Variants in PLAGL2 observed in about 807,000 individuals in gnomAD.
The protein encoded by PLAGL2 is PLAG1 like zinc finger 2.
A neutral mutation model predicts 29.0 loss-of-function variants in PLAGL2; 7 were observed. The observed-to-expected ratio is 0.24, with a 90% CI of 0.14 to 0.45. The LOEUF (loss-of-function observed/expected upper bound fraction) is 0.45. Among genes scored for constraint, PLAGL2 ranks in the 20% least tolerant of loss-of-function variants. The pLI, the probability that PLAGL2 is intolerant of heterozygous loss-of-function variation, is 0.99. For missense variants in PLAGL2, 454 were observed against 648.2 expected, an observed-to-expected ratio of 0.70 and a Z score of 3.25; for synonymous variants, 234 against 266.0, an observed-to-expected ratio of 0.88 and a Z score of 1.17.
intron 2 of PLAGL2, among the ~76,000 whole-genome samples, chr20:32,199,330 T>C (rs939915319): frequency 6.6e-6 from 1 of 152,162 alleles, no homozygotes; most frequent in African/African-American, 2.4e-5. Context: ...CAACCTCCTG[T>C]GATGGAACTG....
At chr20:32,203,740 G>A (rs563708594) in intron 1 of PLAGL2, among the ~76,000 whole-genome samples, 2 of 152,288 alleles carry the variant, frequency 1.3e-5, no homozygotes, top group Admixed American at 6.5e-5. Context: ...TGGGATCAGC[G>A]GGTTCATGCC....
chr20:32,198,642 A>G (rs1161621037), intron 2 of PLAGL2, among the ~76,000 whole-genome samples: 5 of 152,210 alleles, frequency 3.3e-5, no homozygotes, highest in African/African-American at 1.2e-4. Flanking sequence ...GTCTCTAAAT[A>G]AATAAATAAA....
chr20:32,196,799 G>C lies in PLAGL2; in HGVS notation c.1144C>G (p.Pro382Ala). The C allele has an allele frequency of 6.2e-7, 1 of 1,612,496 alleles. No individual in the cohort carries two copies. The highest frequency in any genetic ancestry group is 8.5e-7 in the Non-Finnish European group (1 of 1,178,824). ...AGGGCCGCAGCTGCCGCCGGCTGAG[G>C]TGAGGCGGGCTGGGGTTCAGCGGAT... ...LSSAEPQPASPQPAAAAALLD... is the reference protein window; with the variant it reads ...LSSAEPQPASAQPAAAAALLD... The change falls in exon 3 of 3, where the codon CCT becomes GCT. Residue 382 changes from proline (P) to alanine (A), a missense_variant. Physicochemically the swap from Pro to Ala is conservative, Grantham distance 27. Transcript: ENST00000246229.
Position 32,202,282 on chromosome 20 carries a change from A to C in PLAGL2, c.-104T>G. On this transcript the variant is annotated 5_prime_UTR_variant, in exon 2 of 3. In the 5' UTR this introduces an upstream ATG that the reference lacks. Coordinates refer to ENST00000246229, the MANE Select transcript of PLAGL2 (RefSeq NM_002657.3). ...GCCTCCAACGCAGCTTTCAGAAAAC[A>C]ATCTCTTCACCTGAAACATCAGAAC... 1.7e-6 allele frequency: 2 copies of C among 1,168,886 alleles called. No individual in the cohort carries two copies. Among genetic ancestry groups the C allele is most frequent in the Non-Finnish European group, 2.5e-6 (2 of 815,492 alleles). 72.4% of individuals were successfully genotyped at this position (1,168,886 alleles called of 1,614,324 possible).
Position 32,196,978 on chromosome 20 carries a change from C to T in PLAGL2, c.965G>A (p.Gly322Asp), listed in dbSNP as rs754110798. The T allele has an allele frequency of 6.2e-7, 1 of 1,614,224 alleles. No homozygotes were observed. The highest frequency in any genetic ancestry group is 1.7e-5 in the Admixed American group (1 of 60,030). The change falls in exon 3 of 3, where the codon GGT becomes GAT. Residue 322 changes from glycine (G) to aspartate (D), a missense_variant. Transcript: ENST00000246229. ...HSLVHNTLPM[G>D]MSYPLESSPI... is the part of the protein sequence containing the mutation. ...TGAGGATTCCAGAGGGTAGCTCATA[C>T]CCATGGGCAGCGTGTTGTGCACCAG...
intron 1 of PLAGL2, among the ~76,000 whole-genome samples, chr20:32,203,242 T>C (rs1026124444): frequency 3.3e-5 from 5 of 152,238 alleles, no homozygotes; most frequent in Non-Finnish European, 4.4e-5. Flanking sequence ...TGAATGCAGG[T>C]TGATTCTCAG....
In PLAGL2 at chr20:32,196,213, A is replaced by G. The variant is rs1184150688; in HGVS notation, c.*239T>C. Reference sequence around the variant, plus strand: ...CGATTCAGGTCAAAAAAATAAAAGTAAATAATACCTGAAGTCCTACGGTAT... The same window carrying G: ...CGATTCAGGTCAAAAAAATAAAAGTGAATAATACCTGAAGTCCTACGGTAT... On this transcript the variant is annotated 3_prime_UTR_variant, in exon 3 of 3. Transcript: ENST00000246229. 2 of 362,600 alleles carry G rather than the reference A, an allele frequency of 5.5e-6. No homozygotes were observed. Among genetic ancestry groups the G allele is most frequent in the Non-Finnish European group, 9.8e-6 (2 of 204,478 alleles). The allele number at this position is 362,600 out of a possible 1,614,324, so 22.5% of individuals were successfully genotyped here.
chr20:32,205,335 C>A (rs1185889981), intron 1 of PLAGL2, among the ~76,000 whole-genome samples: 1 of 152,148 alleles, frequency 6.6e-6, no homozygotes, highest in Non-Finnish European at 1.5e-5. Flanking sequence ...TTTTCCCTCA[C>A]AACTAACCCT....
Position 32,196,415 on chromosome 20 carries a change from A to T in PLAGL2, c.*37T>A. 7.0e-7 allele frequency: 1 copy of T among 1,435,316 alleles called. No homozygotes were observed. The highest frequency in any genetic ancestry group is 2.4e-5 in the East Asian group (1 of 41,148). 88.9% of individuals were successfully genotyped at this position (1,435,316 alleles called of 1,614,324 possible). On this transcript the variant is annotated 3_prime_UTR_variant, in exon 3 of 3. Transcript: ENST00000246229. ...ACGGGGTGGGTACTAAGGCTCCATA[A>T]CAGAGCCAAAAACTGAGCTGAGGGC... is the stretch of plus-strand genomic sequence containing the variant.
Position 32,196,939 on chromosome 20 carries a change from G to T in PLAGL2, c.1004C>A (p.Pro335Gln). The T allele has an allele frequency of 6.2e-7, 1 of 1,614,216 alleles. No homozygotes were observed. Among genetic ancestry groups the T allele is most frequent in the Non-Finnish European group, 8.5e-7 (1 of 1,180,020 alleles). Residue 335 changes from proline (P) to glutamine (Q), a missense_variant, in exon 3 of 3, where the codon CCA (proline) becomes CAA (glutamine). Pro to Gln is a moderately conservative substitution (Grantham distance 76). Coordinates refer to ENST00000246229, the MANE Select transcript of PLAGL2 (RefSeq NM_002657.3). ...CTGGTATTTTGGAGGGAGCTGAGCT[G>T]GGGAAGAGATAGGTGAGGATTCCAG... is the stretch of plus-strand genomic sequence containing the variant. The part of the protein sequence containing the change: ...YPLESSPISS[P>Q]AQLPPKYQLG...
chr20:32,207,709 A>G lies in PLAGL2; in HGVS notation c.-183T>C, dbSNP rs1191803531. ...CCGCCAGGCCCCCTCAGGCCCCGGT[A>G]GTGGCGGCGGTCGGGCCATTGTGCG... is the stretch of plus-strand genomic sequence containing the variant. On this transcript the variant is annotated 5_prime_UTR_variant, in exon 1 of 3. Transcript: ENST00000246229. 7.1e-6 allele frequency: 2 copies of G among 283,506 alleles called. No homozygotes were observed. Among genetic ancestry groups the G allele is most frequent in the South Asian group, 1.5e-4 (1 of 6,530 alleles). 17.6% of individuals were successfully genotyped at this position (283,506 alleles called of 1,614,324 possible).
intron 2 of PLAGL2, among the ~76,000 whole-genome samples, chr20:32,200,431 G>T (rs1302075356): frequency 1.3e-5 from 2 of 152,004 alleles, no homozygotes; most frequent in Non-Finnish European, 1.5e-5. Context: ...GTAGAGACGG[G>T]GTTTCACCGT....
chr20:32,201,942 A>G lies in PLAGL2; in HGVS notation c.237T>C (p.Phe79=), dbSNP rs1190936442. 6.2e-7 allele frequency: 1 copy of G among 1,614,126 alleles called. No individual in the cohort carries two copies. Among genetic ancestry groups the G allele is most frequent in the Non-Finnish European group, 8.5e-7 (1 of 1,179,946 alleles). ...SCPQLHCGKA[F]ASKYKLYRHM... ...ACCTATACAGCTTGTATTTGGAAGCAAAAGCCTTGCCACAGTGCAGCTGAG... is the reference window on the plus strand; with the variant it reads ...ACCTATACAGCTTGTATTTGGAAGCGAAAGCCTTGCCACAGTGCAGCTGAG... The change falls in exon 2 of 3, where the codon TTT becomes TTC. Residue 79 remains phenylalanine (F), a synonymous_variant. Coordinates refer to ENST00000246229, the MANE Select transcript of PLAGL2 (RefSeq NM_002657.3).
At position 32,201,903 on chromosome 20, in the gene PLAGL2, T is replaced by C. The variant is rs202221854; in HGVS notation, c.260+16A>G. ...GGGAACCTCAGGGCAGGAAGAGATA[T>C]GAGAGTGTCACCTACCTATACAGCT... On this transcript the variant is annotated intron_variant, in intron 2 of 2. Transcript: ENST00000246229. 797 of 1,605,764 alleles carry C rather than the reference T, an allele frequency of 5.0e-4. 12 individuals are homozygous for C. In the South Asian group the frequency reaches 8.1e-3, roughly 16 times the overall value.
At chr20:32,204,112 G>C (rs1477910981) in intron 1 of PLAGL2, among the ~76,000 whole-genome samples, 3 of 152,192 alleles carry the variant, frequency 2.0e-5, no homozygotes, top group Non-Finnish European at 4.4e-5. Flanking sequence ...GAATTGAGCA[G>C]AGAGTGTGCT....
intron 2 of PLAGL2, among the ~76,000 whole-genome samples, chr20:32,198,162 GA>G (rs1432917798): frequency 2.0e-5 from 3 of 152,222 alleles, no homozygotes; most frequent in Admixed American, 6.5e-5. Flanking sequence ...GGACATACAA[GA>G]AACTGATACC....
At chr20:32,199,613 C>T (rs1374986379) in intron 2 of PLAGL2, among the ~76,000 whole-genome samples, 1 of 152,126 alleles carries the variant, frequency 6.6e-6, no homozygotes, top group Non-Finnish European at 1.5e-5. Flanking sequence ...GGTGGAGGGA[C>T]TGCTTGAGGC....
At chr20:32,200,210 T>C (rs1307055407) in intron 2 of PLAGL2, among the ~76,000 whole-genome samples, 1 of 152,222 alleles carries the variant, frequency 6.6e-6, no homozygotes, top group Non-Finnish European at 1.5e-5. Flanking sequence ...GAATGGATGG[T>C]TGGATGACTG....
intron 1 of PLAGL2, among the ~76,000 whole-genome samples, chr20:32,204,113 A>G (rs888735562): frequency 2.0e-5 from 3 of 152,204 alleles, no homozygotes; most frequent in African/African-American, 7.2e-5. Flanking sequence ...AATTGAGCAG[A>G]GAGTGTGCTC....
Sources: allele counts gnomAD v4.1 joint callset (sites outside exome capture counted in the v4.1 genomes callset), GRCh38; gene constraint gnomAD v4.1.1; transcripts MANE v1.5; gene names NCBI Gene and HGNC (gene_info 2026-07-23, HGNC 2026-07-21).